Variants in ASIC2 observed in about 807,000 individuals in gnomAD.
ASIC2 encodes the protein acid sensing ion channel subunit 2.
ASIC2 carries 25 observed loss-of-function variants against 57.3 expected under a neutral mutation model. That is an observed-to-expected ratio of 0.44 (90% CI 0.32 to 0.61). The LOEUF is 0.61. ASIC2 is among the 20% of genes least tolerant of loss of function. The pLI is 0.06. For missense variants in ASIC2, 641 were observed against 738.1 expected (o/e 0.87, Z 1.52); for synonymous variants, 319 against 307.5 (o/e 1.04, Z -0.39).
intron 1 of ASIC2, among the ~76,000 whole-genome samples, chr17:33,822,219 G>A (rs1011548699): frequency 6.6e-6 from 1 of 152,188 alleles, no homozygotes; most frequent in African/African-American, 2.4e-5. Context: ...GTCTGTTAGT[G>A]GTTGGCTTAT....
At chr17:33,034,202 T>G (rs1445203245) in intron 3 of ASIC2, among the ~76,000 whole-genome samples, 4 of 152,152 alleles carry the variant, frequency 2.6e-5, no homozygotes, top group Non-Finnish European at 5.9e-5. Context: ...TTTCTTCTTC[T>G]CCCTTCACTT....
At chr17:33,201,827 C>T (rs369020481) in intron 1 of ASIC2, among the ~76,000 whole-genome samples, 3 of 151,854 alleles carry the variant, frequency 2.0e-5, no homozygotes, top group African/African-American at 4.8e-5. Flanking sequence ...CCCAGAAGTT[C>T]GAGACCAGCC....
At chr17:33,418,019 CATGTATGT>C (rs879721132) in intron 1 of ASIC2, among the ~76,000 whole-genome samples, 5 of 101,794 alleles carry the variant, frequency 4.9e-5, no homozygotes, top group African/African-American at 1.7e-4. Context: ...TGGCTCTCAG[CATGTATGT>C]ATGTGTGTGT....
intron 1 of ASIC2, among the ~76,000 whole-genome samples, chr17:33,673,116 C>T (rs1176998420): frequency 6.6e-6 from 1 of 152,154 alleles, no homozygotes; most frequent in East Asian, 1.9e-4. Context: ...GGCAGCATTA[C>T]AAAGCCCTGT....
At chr17:33,046,973 G>A (rs917397379) in intron 3 of ASIC2, among the ~76,000 whole-genome samples, 6 of 152,264 alleles carry the variant, frequency 3.9e-5, no homozygotes, top group Non-Finnish European at 8.8e-5. Flanking sequence ...TCAAGAGCTG[G>A]ATGAGTTTCT....
chr17:33,783,737 G>A (rs909747619), intron 1 of ASIC2, among the ~76,000 whole-genome samples: 4 of 152,176 alleles, frequency 2.6e-5, no homozygotes, highest in Non-Finnish European at 4.4e-5. Flanking sequence ...AAGGGGAATG[G>A]ACTTTCCCAT....
At chr17:33,579,265 A>G (rs1279857870) in intron 1 of ASIC2, among the ~76,000 whole-genome samples, 1 of 144,806 alleles carries the variant, frequency 6.9e-6, no homozygotes, top group Non-Finnish European at 1.5e-5. Flanking sequence ...CAGCCTGGGT[A>G]GCACGAATGA....
chr17:33,553,519 G>A (rs1214336371), intron 1 of ASIC2, among the ~76,000 whole-genome samples: 5 of 149,916 alleles, frequency 3.3e-5, no homozygotes, highest in African/African-American at 1.3e-4. Flanking sequence ...TTATTATTTT[G>A]AGATGGAGGT....
intron 1 of ASIC2, among the ~76,000 whole-genome samples, chr17:33,678,449 AC>A (rs1263170157): frequency 7.0e-6 from 1 of 143,466 alleles, no homozygotes. Flanking sequence ...ACACACACAC[AC>A]ACACACACAC....
At chr17:34,002,991 T>C (rs1252835378) in intron 1 of ASIC2, 3 of 152,342 alleles carry the variant, frequency 2.0e-5, no homozygotes, top group Admixed American at 6.5e-5. Context: ...TAAAAAGGAA[T>C]GAATGATGCC....
chr17:33,314,988 GA>G (rs1906585524), intron 1 of ASIC2, among the ~76,000 whole-genome samples: 1 of 152,094 alleles, frequency 6.6e-6, no homozygotes, highest in Non-Finnish European at 1.5e-5. Context: ...TTGTGGCAGA[GA>G]AAAAAGTAAA....
At chr17:33,755,363 G>A (rs964750592) in intron 1 of ASIC2, among the ~76,000 whole-genome samples, 3 of 152,222 alleles carry the variant, frequency 2.0e-5, no homozygotes, top group Admixed American at 1.3e-4. Flanking sequence ...AAGACCCTAT[G>A]TCTGTGTTGT....
rs187885269 is a variant in ASIC2 at position 33,924,756 on chromosome 17, T to C, written c.555+231222A>G. Among the ~76,000 whole-genome samples, 5 of 152,302 alleles carry C rather than the reference T, an allele frequency of 3.3e-5. No homozygotes were observed. The East Asian group carries it at 7.7e-4, about 24-fold the overall frequency. Reference sequence around the variant, plus strand: ...TGTGCTTGGACAAAGCTGCCTGCTGTCTCGGGCTGTTCAATTCACTGCTGC... The same window carrying C: ...TGTGCTTGGACAAAGCTGCCTGCTGCCTCGGGCTGTTCAATTCACTGCTGC... On this transcript the variant is annotated intron_variant, in intron 1 of 9. Transcript: ENST00000359872.
At chr17:33,985,462 C>T (rs1049537018) in intron 1 of ASIC2, among the ~76,000 whole-genome samples, 7 of 152,126 alleles carry the variant, frequency 4.6e-5, no homozygotes, top group African/African-American at 7.2e-5. Flanking sequence ...CTGATGCAAC[C>T]GGTCTACAGG....
intron 1 of ASIC2, among the ~76,000 whole-genome samples, chr17:33,563,193 G>A (rs1916129241): frequency 6.6e-6 from 1 of 152,190 alleles, no homozygotes; most frequent in African/African-American, 2.4e-5. Context: ...TGATAAGTGG[G>A]AAGACAGTGA....
At chr17:33,629,180 T>G (rs985989656) in intron 1 of ASIC2, among the ~76,000 whole-genome samples, 1 of 152,218 alleles carries the variant, frequency 6.6e-6, no homozygotes, top group East Asian at 1.9e-4. Flanking sequence ...AACCAGCTTC[T>G]GTAGCCAGAG....
At chr17:33,539,789 A>G (rs1915349854) in intron 1 of ASIC2, among the ~76,000 whole-genome samples, 1 of 152,206 alleles carries the variant, frequency 6.6e-6, no homozygotes, top group African/African-American at 2.4e-5. Context: ...GATGGGAGAC[A>G]GGCACATAGC....
chr17:33,820,247 T>A (rs917704540), intron 1 of ASIC2, among the ~76,000 whole-genome samples: 3 of 152,220 alleles, frequency 2.0e-5, no homozygotes, highest in African/African-American at 7.2e-5. Flanking sequence ...AACCTCCCTT[T>A]TCAACTATGA....
At chr17:33,105,013 A>G (rs2092229647) in intron 2 of ASIC2, among the ~76,000 whole-genome samples, 1 of 152,180 alleles carries the variant, frequency 6.6e-6, no homozygotes, top group South Asian at 2.1e-4. Context: ...AGTGTACACA[A>G]TTTCAGCATT....
Sources: gnomAD v4.1 joint callset for allele counts (sites outside exome capture counted in the v4.1 genomes callset) on GRCh38, gnomAD v4.1.1 for gene constraint, MANE v1.5 for transcripts, NCBI Gene and HGNC (gene_info 2026-07-23, HGNC 2026-07-21) for gene names.